Variants in GRIK2 observed in about 807,000 individuals in gnomAD.
GRIK2 encodes glutamate ionotropic receptor kainate type subunit 2.
Under a neutral mutation model 100.3 loss-of-function variants are expected in GRIK2, and 32 were observed. The ratio of observed to expected loss-of-function variants is 0.32; its 90% CI spans 0.24 to 0.43. The LOEUF is 0.43. Ranked by LOEUF, GRIK2 falls within the 20% of genes least tolerant of loss-of-function variation. The probability of loss-of-function intolerance (pLI) is 1.00; values close to 1 mark genes in which losing one functional copy is unlikely to be tolerated. For missense variants in GRIK2, 843 were observed against 1,114.9 expected (o/e 0.76, Z 3.47); for synonymous variants, 417 against 389.4 (o/e 1.07, Z -0.83).
At chr6:101,436,970 A>T (rs1443542759) in intron 2 of GRIK2, among the ~76,000 whole-genome samples, 1 of 151,182 alleles carries the variant, frequency 6.6e-6, no homozygotes. Context: ...GATCTAGTTT[A>T]CAGTTATGTA....
At chr6:101,845,905 T>G (rs1783779923) in intron 10 of GRIK2, among the ~76,000 whole-genome samples, 1 of 152,202 alleles carries the variant, frequency 6.6e-6, no homozygotes, top group African/African-American at 2.4e-5. Context: ...ATTTCCCTAA[T>G]GACTAATGAT....
intron 2 of GRIK2, among the ~76,000 whole-genome samples, chr6:101,576,494 A>G (rs673318): frequency 0.51 from 77,519 of 151,754 alleles, 21,246 homozygotes; most frequent in African/African-American, 0.72. Flanking sequence ...AGAGGAAATT[A>G]CTATTTATAT....
chr6:101,855,683 T>C (rs1486964319), intron 10 of GRIK2, among the ~76,000 whole-genome samples: 2 of 152,186 alleles, frequency 1.3e-5, no homozygotes, highest in African/African-American at 4.8e-5. Flanking sequence ...TCAAAGAGAA[T>C]AGGCCTTGAA....
At chr6:101,645,921 G>A (rs1030562496) in intron 4 of GRIK2, among the ~76,000 whole-genome samples, 4 of 151,736 alleles carry the variant, frequency 2.6e-5, no homozygotes, top group African/African-American at 9.7e-5. Context: ...ATTTTTGAAG[G>A]CTTATTATGC....
intron 13 of GRIK2, among the ~76,000 whole-genome samples, chr6:101,926,137 G>A (rs2128470837): frequency 6.7e-6 from 1 of 149,752 alleles, no homozygotes; most frequent in Admixed American, 6.7e-5. Context: ...TAACTCAAAT[G>A]AAGAATCAGT....
chr6:101,759,962 C>T lies in GRIK2; in HGVS notation c.952-39686C>T, dbSNP rs9390778. The stretch of plus-strand genomic sequence containing the variant: ...AGTGGCGCAATCTCGGCTCACTTCC[C>T]GGGTTCACGCCATTCTCCTGCCTCA... On this transcript the variant is annotated intron_variant, in intron 7 of 16. Coordinates refer to ENST00000369134, the MANE Select transcript of GRIK2 (RefSeq NM_021956.5). Among the ~76,000 whole-genome samples the T allele has an allele frequency of 8.7e-4, 86 of 98,598 alleles. 4 individuals are homozygous for T. The highest frequency in any genetic ancestry group is 6.2e-3 in the East Asian group (6 of 964). 64.7% of individuals were successfully genotyped at this position (98,598 alleles called of 152,430 possible).
chr6:101,496,732 C>A (rs1773468468), intron 2 of GRIK2, among the ~76,000 whole-genome samples: 1 of 152,132 alleles, frequency 6.6e-6, no homozygotes, highest in African/African-American at 2.4e-5. Context: ...TGATTATTTA[C>A]TAACTAGAGT....
At chr6:101,867,575 A>G (rs931983397) in intron 11 of GRIK2, among the ~76,000 whole-genome samples, 1 of 151,686 alleles carries the variant, frequency 6.6e-6, no homozygotes, top group Non-Finnish European at 1.5e-5. Context: ...CTCAACAACC[A>G]TTTATTGAAT....
At chr6:101,888,777 C>T (rs1786839572) in intron 11 of GRIK2, among the ~76,000 whole-genome samples, 1 of 152,028 alleles carries the variant, frequency 6.6e-6, no homozygotes, top group Non-Finnish European at 1.5e-5. Context: ...TTGTTCTTTA[C>T]TCTTTGAAAG....
chr6:101,572,815 A>ATTATTTAT (rs3056164), intron 2 of GRIK2, among the ~76,000 whole-genome samples: 2,101 of 109,806 alleles, frequency 0.019, 27 homozygotes, highest in Middle Eastern at 0.03. Flanking sequence ...ATTGTTGTTT[A>ATTATTTAT]TTATTTATTT....
chr6:102,043,969 C>T (rs1770738488), intron 15 of GRIK2, among the ~76,000 whole-genome samples: 2 of 151,964 alleles, frequency 1.3e-5, no homozygotes, highest in South Asian at 4.1e-4. Flanking sequence ...ATTGTGAGGC[C>T]TCCCTAACCA....
intron 4 of GRIK2, among the ~76,000 whole-genome samples, chr6:101,631,976 A>G (rs184931132): frequency 2.5e-3 from 385 of 152,184 alleles, no homozygotes; most frequent in Non-Finnish European, 4.5e-3. Context: ...TTTGAGTCCA[A>G]ATCCCCCACT....
intron 2 of GRIK2, among the ~76,000 whole-genome samples, chr6:101,518,359 C>A (rs552093873): frequency 5.9e-5 from 9 of 152,166 alleles, no homozygotes. Flanking sequence ...GAACTTCTTG[C>A]ATATATAATT....
rs60158757 is a variant in GRIK2, at chr6:101,565,935, GTATATA to G, written c.116-55995_116-55990del. On this transcript the variant is annotated intron_variant, in intron 2 of 16. Coordinates refer to ENST00000369134, the MANE Select transcript of GRIK2 (RefSeq NM_021956.5). ...CTATTTTATATATATATATATATGT[GTATATA>G]TATATATATATATATATAAGCAAAC... Among the ~76,000 whole-genome samples the G allele has an allele frequency of 5.7e-4, 62 of 109,500 alleles. 1 individual carries two copies. Among genetic ancestry groups the G allele is most frequent in the Middle Eastern group, 4.2e-3 (1 of 240 alleles). 71.8% of individuals were successfully genotyped at this position (109,500 alleles called of 152,430 possible). A position where few individuals can be genotyped will look rare whatever the true frequency, so the allele number is the denominator to read the frequency against.
chr6:101,613,994 T>C (rs1779791992), intron 2 of GRIK2, among the ~76,000 whole-genome samples: 1 of 151,704 alleles, frequency 6.6e-6, no homozygotes. Flanking sequence ...AACTTTGTGC[T>C]GGAGCTCTCC....
At chr6:101,399,795 A>C (rs1284833675) in intron 2 of GRIK2, among the ~76,000 whole-genome samples, 2 of 152,190 alleles carry the variant, frequency 1.3e-5, no homozygotes, top group Non-Finnish European at 2.9e-5. Context: ...CTGGTGAGTT[A>C]ACACCTGGTA....
In GRIK2 at chr6:101,928,603, G is replaced by A; in HGVS notation, c.2056G>A (p.Glu686Lys). 1 of 1,595,396 alleles carries A rather than the reference G, an allele frequency of 6.3e-7. No individual in the cohort carries two copies. The highest frequency in any genetic ancestry group is 8.6e-7 in the Non-Finnish European group (1 of 1,163,066). The change falls in exon 14 of 17, where the codon GAG (glutamate) becomes AAG (lysine). Residue 686 changes from glutamate (E) to lysine (K), a missense_variant. Physicochemically the swap from Glu to Lys is moderately conservative, Grantham distance 56. This residue lies in a region of GRIK2 where 237 missense variants were observed against 388.0 expected (regional missense o/e 0.61). Transcript: ENST00000369134. Reference sequence around the variant, plus strand: ...AACCAAGATAGAATATGGAGCAGTAGAGGATGGTGCAACCATGACTTTTTT... The same window carrying A: ...AACCAAGATAGAATATGGAGCAGTAAAGGATGGTGCAACCATGACTTTTTT... ...KQTKIEYGAV[E>K]DGATMTFFKK...
At chr6:101,969,702 C>T (rs1433008858) in intron 14 of GRIK2, among the ~76,000 whole-genome samples, 1 of 151,970 alleles carries the variant, frequency 6.6e-6, no homozygotes, top group Non-Finnish European at 1.5e-5. Context: ...TCACATTAAT[C>T]TTTGTAGATG....
intron 7 of GRIK2, among the ~76,000 whole-genome samples, chr6:101,726,860 T>C (rs1184277421): frequency 6.6e-6 from 1 of 151,954 alleles, no homozygotes; most frequent in Non-Finnish European, 1.5e-5. Context: ...TTTTATAACA[T>C]CTCCACAACA....
Sources: gnomAD v4.1 joint callset for allele counts (sites outside exome capture counted in the v4.1 genomes callset) on GRCh38, gnomAD v4.1.1 for gene constraint, gnomAD v4.1.1 regional missense constraint, MANE v1.5 for transcripts, NCBI Gene and HGNC (gene_info 2026-07-23, HGNC 2026-07-21) for gene names.